PDZD2: variants seen among roughly 807,000 people sequenced by gnomAD.
PDZD2 encodes PDZ domain containing 2.
A neutral mutation model predicts 220.7 loss-of-function variants in PDZD2; 90 were observed. That is an observed-to-expected ratio of 0.41 (90% CI 0.34 to 0.49). The LOEUF is 0.49. Ranked by LOEUF, PDZD2 falls within the 20% of genes least tolerant of loss-of-function variation. The pLI, the probability that PDZD2 is intolerant of heterozygous loss-of-function variation, is 0.28. For missense variants in PDZD2, 3,174 were observed against 3,608.5 expected (o/e 0.88, Z 3.08); for synonymous variants, 1,375 against 1,450.5 (o/e 0.95, Z 1.18).
intron 2 of PDZD2, among the ~76,000 whole-genome samples, chr5:31,851,863 T>C (rs988317405): frequency 6.6e-6 from 1 of 152,016 alleles, no homozygotes; most frequent in Non-Finnish European, 1.5e-5. Context: ...GTCACATTTT[T>C]TTTTTTCCCC....
chr5:31,933,750 G>A (rs760052494), intron 2 of PDZD2, among the ~76,000 whole-genome samples: 2 of 152,106 alleles, frequency 1.3e-5, no homozygotes, highest in Admixed American at 6.6e-5. Context: ...GTTTCCACAC[G>A]AACGCAATGA....
rs1031961435 is a variant in PDZD2 at position 32,053,820 on chromosome 5, G to A, written c.1837G>A (p.Gly613Arg). The part of the protein sequence containing the change: ...GGRDCIRGQM[G>R]IFVKTIFPNG... ...TCGAGACTGCATTCGTGGACAGATG[G>A]GGATTTTTGTCAAGACCATCTTCCC... Residue 613 changes from glycine to arginine, a missense_variant, in exon 10 of 25, where the codon GGG becomes AGG. Physicochemically the swap from Gly to Arg is moderately radical, Grantham distance 125. Transcript: ENST00000438447. 1 of 1,613,636 alleles carries A rather than the reference G, an allele frequency of 6.2e-7. No homozygotes were observed. The highest frequency in any genetic ancestry group is 1.3e-5 in the African/African-American group (1 of 74,914).
Position 32,088,942 on chromosome 5 carries a change from T to C in PDZD2, c.5494T>C (p.Ser1832Pro). Reference protein sequence around the residue: ...QPLMPARSPDSKIQMVSSSQK... With the variant: ...QPLMPARSPDPKIQMVSSSQK... ...TCTAATGCCTGCCAGAAGTCCCGAC[T>C]CCAAGATTCAGATGGTGAGTTCAAG... The change falls in exon 20 of 25, where the codon TCC becomes CCC. Residue 1832 changes from serine to proline, a missense_variant. This residue lies in a region of PDZD2 where 1,861 missense variants were observed against 2,001.0 expected (regional missense o/e 0.93). Coordinates refer to ENST00000438447, the MANE Select transcript of PDZD2 (RefSeq NM_178140.4). This position sits in a 1 kb window ranked among gnomAD's most constrained non-coding sequence, Gnocchi z 4.6. 6.2e-7 allele frequency: 1 copy of C among 1,613,670 alleles called. No individual in the cohort carries two copies. Among genetic ancestry groups the C allele is most frequent in the Non-Finnish European group, 8.5e-7 (1 of 1,179,940 alleles).
chr5:31,892,008 T>C (rs1054940842), intron 2 of PDZD2, among the ~76,000 whole-genome samples: 21 of 152,206 alleles, frequency 1.4e-4, no homozygotes, highest in African/African-American at 5.1e-4. Flanking sequence ...CCTCCCAGGC[T>C]CTGACAATCC....
intron 1 of PDZD2, among the ~76,000 whole-genome samples, chr5:31,696,855 T>C (rs955302022): frequency 6.6e-6 from 1 of 152,142 alleles, no homozygotes; most frequent in Non-Finnish European, 1.5e-5. Flanking sequence ...CTCCATCCTA[T>C]GTTGGAGAGA....
At chr5:31,674,951 G>A (rs571157929) in intron 1 of PDZD2, among the ~76,000 whole-genome samples, 63 of 152,292 alleles carry the variant, frequency 4.1e-4, no homozygotes, top group Admixed American at 8.5e-4. Context: ...GTGGGATCAC[G>A]AAGCCCCAGA....
At chr5:31,989,835 C>G (rs1751071727) in intron 3 of PDZD2, among the ~76,000 whole-genome samples, 1 of 152,158 alleles carries the variant, frequency 6.6e-6, no homozygotes, top group African/African-American at 2.4e-5. Flanking sequence ...GTCTTTGTTT[C>G]CCGTCTTAGC....
chr5:32,084,094 T>C (rs952582849), intron 19 of PDZD2, among the ~76,000 whole-genome samples: 2 of 152,234 alleles, frequency 1.3e-5, no homozygotes, highest in African/African-American at 4.8e-5. Context: ...AACATTATGC[T>C]TAAGGGGAAG....
chr5:32,060,501 C>G lies in PDZD2; in HGVS notation c.2319-501C>G, dbSNP rs908232174. 1.5e-3 allele frequency among the ~76,000 whole-genome samples: 224 copies of G among 152,264 alleles called. 1 individual carries two copies. The highest frequency in any genetic ancestry group is 5.2e-3 in the African/African-American group (216 of 41,552). ...CCTCCTTAAGTTATATTATAATAAT[C>G]ATTTCAAGATGGTAGGAAGAGAGAA... On this transcript the variant is annotated intron_variant, in intron 13 of 24. Coordinates refer to ENST00000438447, the MANE Select transcript of PDZD2 (RefSeq NM_178140.4).
At chr5:31,682,955 C>T (rs10064837) in intron 1 of PDZD2, among the ~76,000 whole-genome samples, 2,075 of 152,202 alleles carry the variant, frequency 0.014, 60 homozygotes, top group African/African-American at 0.048. Flanking sequence ...ACTCTCACCG[C>T]CCCCAAGTCA....
At position 31,872,142 on chromosome 5, in the gene PDZD2, G is replaced by GGTGTGTGTGTGTGTGTGTGT. The variant is rs55806241; in HGVS notation, c.476+72427_476+72446dup. Among the ~76,000 whole-genome samples the GGTGTGTGTGTGTGTGTGTGT allele has an allele frequency of 4.6e-3, 679 of 147,768 alleles. 6 individuals carry two copies. The highest frequency in any genetic ancestry group is 0.011 in the South Asian group (51 of 4,494). ...TTGTGTTGAGCAGATTAAGGTGAGT[G>GGTGTGTGTGTGTGTGTGTGT]GTGTGTGTGTGTGTGTGTGTGTGTG... On this transcript the variant is annotated intron_variant, in intron 2 of 24. Transcript: ENST00000438447.
chr5:31,793,605 G>C (rs577336766), intron 1 of PDZD2, among the ~76,000 whole-genome samples: 2 of 152,244 alleles, frequency 1.3e-5, no homozygotes, highest in East Asian at 3.9e-4. Flanking sequence ...TCAGGAGTTC[G>C]AGACCAGCCT....
At position 32,057,697 on chromosome 5, in the gene PDZD2, T is replaced by C. The variant is rs1190935438; in HGVS notation, c.1943T>C (p.Leu648Ser). Reference sequence around the variant, plus strand: ...GTAAATGGAATACCAATAAAGGGCTTGACATTTCAAGAAGCCATTCATACC... The same window carrying C: ...GTAAATGGAATACCAATAAAGGGCTCGACATTTCAAGAAGCCATTCATACC... ...LDVNGIPIKG[L>S]TFQEAIHTFK... is the part of the protein sequence containing the mutation. Residue 648 changes from leucine (L) to serine (S), a missense_variant, in exon 11 of 25, where the codon TTG becomes TCG. Leu to Ser is a moderately radical substitution (Grantham distance 145). Around this residue, in one of 4 missense-constraint regions of PDZD2, gnomAD observed 1,861 missense variants for 2,001.0 expected, o/e 0.93. Coordinates refer to ENST00000438447, the MANE Select transcript of PDZD2 (RefSeq NM_178140.4). The C allele has an allele frequency of 2.7e-5, 43 of 1,595,618 alleles. No homozygotes were observed. The highest frequency in any genetic ancestry group is 3.2e-5 in the Non-Finnish European group (37 of 1,164,310).
rs1239089071 is a variant in PDZD2, at chr5:31,641,980, G to A, written c.-361+2543G>A. On this transcript the variant is annotated intron_variant, in intron 1 of 24. Coordinates refer to ENST00000438447, the MANE Select transcript of PDZD2 (RefSeq NM_178140.4). ...CCCACTACCCCCGGCTGATCATACT[G>A]TAGGGTGTTGTGGAAACCCTCTCCC... Among the ~76,000 whole-genome samples, 3 of 152,114 alleles carry A rather than the reference G, an allele frequency of 2.0e-5. No individual in the cohort carries two copies. In the East Asian group the frequency reaches 5.8e-4, roughly 29 times the overall value.
intron 2 of PDZD2, among the ~76,000 whole-genome samples, chr5:31,849,026 G>GT (rs1157746678): frequency 4.6e-5 from 7 of 152,134 alleles, no homozygotes; most frequent in African/African-American, 1.7e-4. Context: ...TCCAGCCTGG[G>GT]CGACAGAGCG....
intron 2 of PDZD2, among the ~76,000 whole-genome samples, chr5:31,886,720 C>T (rs543105392): frequency 9.5e-5 from 14 of 148,134 alleles, no homozygotes; most frequent in South Asian, 2.1e-4. Context: ...TTTTTTGAGA[C>T]GGAGTCTTGC....
At chr5:31,806,476 C>A (rs114603737) in intron 2 of PDZD2, among the ~76,000 whole-genome samples, 1,632 of 152,218 alleles carry the variant, frequency 0.011, 21 homozygotes, top group African/African-American at 0.035. Flanking sequence ...TCCTAGGAAG[C>A]CTTCATTCTT....
intron 2 of PDZD2, among the ~76,000 whole-genome samples, chr5:31,816,660 TTA>T (rs1755477008): frequency 6.6e-6 from 1 of 152,130 alleles, no homozygotes; most frequent in Admixed American, 6.6e-5. Flanking sequence ...CCAAAGAATT[TTA>T]GAGGAGCTAT....
chr5:31,879,911 C>CTT (rs568407359), intron 2 of PDZD2, among the ~76,000 whole-genome samples: 14,593 of 124,096 alleles, frequency 0.12, 2,216 homozygotes, highest in African/African-American at 0.35. Flanking sequence ...CAATACCTGC[C>CTT]TTTTTTTTTT....
Sources: allele counts gnomAD v4.1 joint callset (sites outside exome capture counted in the v4.1 genomes callset), GRCh38; gene constraint gnomAD v4.1.1; regional missense constraint gnomAD v4.1.1; non-coding constraint Gnocchi (gnomAD v3.1); transcripts MANE v1.5; gene names NCBI Gene and HGNC (gene_info 2026-07-23, HGNC 2026-07-21).